The following SLC9B1 variants were observed in gnomAD, a reference collection of about 807,000 sequenced individuals.
SLC9B1 encodes sodium/hydrogen exchanger 9B1.
A neutral mutation model predicts 51.7 loss-of-function variants in SLC9B1; 32 were observed. The ratio of observed to expected loss-of-function variants is 0.62; its 90% confidence interval spans 0.47 to 0.83. SLC9B1 has a LOEUF of 0.83. SLC9B1 is among the 40% of genes least tolerant of loss of function. The pLI is 0.00. For missense variants in SLC9B1, 406 were observed against 613.2 expected (o/e 0.66, Z 3.57); for synonymous variants, 145 against 212.7 (o/e 0.68, Z 2.77).
At chr4:102,983,902 CTT>C (rs947067385) in intron 3 of SLC9B1, among the ~76,000 whole-genome samples, 1 of 151,886 alleles carries the variant, frequency 6.6e-6, no homozygotes, top group Admixed American at 6.6e-5. Flanking sequence ...AATTATATTA[CTT>C]TTTTTCTTCT....
chr4:102,887,749 A>C (rs955489429), intron 11 of SLC9B1: 3 of 188,594 alleles, frequency 1.6e-5, no homozygotes, highest in African/African-American at 4.7e-5. Flanking sequence ...TCTTGTATTT[A>C]AAATTCCCAC....
chr4:102,887,234 T>C, intron 11 of SLC9B1: 2 of 691,562 alleles, frequency 2.9e-6, no homozygotes, highest in South Asian at 3.2e-5. Context: ...AACGATCTGA[T>C]TTTTTTTAGC....
At chr4:102,885,553 AC>A in intron 11 of SLC9B1, 2 of 762,000 alleles carry the variant, frequency 2.6e-6, no homozygotes, top group Non-Finnish European at 4.4e-6. Context: ...GTATTGAAAG[AC>A]CATATTCCTA....
At chr4:102,931,236 A>AG (rs1736440260) in intron 7 of SLC9B1, among the ~76,000 whole-genome samples, 1 of 151,564 alleles carries the variant, frequency 6.6e-6, no homozygotes, top group African/African-American at 2.4e-5. Context: ...AAAAAAAAAA[A>AG]AAAGAACATA....
rs768230607 is a variant in SLC9B1, at chr4:102,901,144, C to A, written c.1521G>T (p.Leu507=). 6.5e-5 allele frequency: 104 copies of A among 1,610,994 alleles called. No individual in the cohort carries two copies. The highest frequency in any genetic ancestry group is 8.8e-5 in the Non-Finnish European group (104 of 1,179,772). The change falls in exon 12 of 12, where the codon CTG becomes CTT. Residue 507 remains leucine, a synonymous_variant. Transcript: ENST00000296422. ...TRHYDPSKIK[L]QLSTLEHH Reference sequence around the variant, plus strand: ...AATGATGTTCTAATGTTGACAACTGCAGTTTTATTTTGCTTGGATCATAAT... The same window carrying A: ...AATGATGTTCTAATGTTGACAACTGAAGTTTTATTTTGCTTGGATCATAAT...
At chr4:102,893,855 AC>A (rs1734401026) in intron 11 of SLC9B1, among the ~76,000 whole-genome samples, 2 of 152,190 alleles carry the variant, frequency 1.3e-5, no homozygotes, top group South Asian at 4.1e-4. Context: ...AGATCACGCC[AC>A]TGCACTCCAG....
chr4:102,984,895 C>T (rs551351331), intron 3 of SLC9B1, among the ~76,000 whole-genome samples: 1 of 152,166 alleles, frequency 6.6e-6, no homozygotes, highest in Non-Finnish European at 1.5e-5. Context: ...GCTATGTTCC[C>T]CAGGCTGGCC....
intron 7 of SLC9B1, among the ~76,000 whole-genome samples, chr4:102,921,110 C>A (rs1299043265): frequency 3.3e-5 from 5 of 152,126 alleles, no homozygotes; most frequent in Non-Finnish European, 7.4e-5. Context: ...ACATACTTAT[C>A]AGATTCACCA....
intron 3 of SLC9B1, chr4:102,962,835 G>A (rs1223641458): frequency 4.2e-6 from 2 of 473,420 alleles, no homozygotes; most frequent in Non-Finnish European, 8.8e-6. Flanking sequence ...TCCTGGAAGT[G>A]GATCAAACAA....
At chr4:102,897,883 G>A (rs1734612352), downstream of SLC9B1, 9 of 360,348 alleles carry the variant, frequency 2.5e-5, no homozygotes, top group South Asian at 2.0e-4. Flanking sequence ...AATATGCTAT[G>A]GAAGTTCACA....
At chr4:102,927,505 C>A (rs912079453) in intron 7 of SLC9B1, among the ~76,000 whole-genome samples, 6 of 152,132 alleles carry the variant, frequency 3.9e-5, no homozygotes, top group Non-Finnish European at 8.8e-5. Flanking sequence ...CAGAGAAATG[C>A]AAATCAAAAC....
At chr4:102,904,708 G>A (rs866519049) in intron 11 of SLC9B1, among the ~76,000 whole-genome samples, 4 of 151,872 alleles carry the variant, frequency 2.6e-5, no homozygotes, top group Admixed American at 2.6e-4. Flanking sequence ...AAGACCAGGC[G>A]CAGTGGCTCA....
intron 7 of SLC9B1, among the ~76,000 whole-genome samples, chr4:102,929,522 AT>A (rs1475568875): frequency 7.0e-5 from 10 of 142,946 alleles, no homozygotes; most frequent in Non-Finnish European, 9.5e-5. Context: ...AGGAAGAGGA[AT>A]TTTTTTTTTC....
Position 102,932,229 on chromosome 4 carries a change from C to T in SLC9B1, c.724G>A (p.Gly242Ser), listed in dbSNP as rs1277290439. Reference protein sequence around the residue: ...YMMVLQENGYGVEEGIPTLLM... With the variant: ...YMMVLQENGYSVEEGIPTLLM... ...AAGGTTGGAATGCCTTCCTCAACACCATATCCATTTTCTTGCAGCACCATC... is the reference window on the plus strand; with the variant it reads ...AAGGTTGGAATGCCTTCCTCAACACTATATCCATTTTCTTGCAGCACCATC... The change falls in exon 7 of 12, where the codon GGT (glycine) becomes AGT (serine). Residue 242 changes from glycine to serine, a missense_variant. This residue lies in a region of SLC9B1 where 250 missense variants were observed against 394.1 expected (regional missense o/e 0.63). Transcript: ENST00000296422. The T allele has an allele frequency of 6.2e-7, 1 of 1,611,882 alleles. No homozygotes were observed. Among genetic ancestry groups the T allele is most frequent in the Admixed American group, 1.7e-5 (1 of 60,006 alleles).
intron 3 of SLC9B1, among the ~76,000 whole-genome samples, chr4:102,959,320 T>A (rs1043696306): frequency 6.6e-6 from 1 of 152,126 alleles, no homozygotes; most frequent in Non-Finnish European, 1.5e-5. Flanking sequence ...ATATATGTAA[T>A]TTTTTTAACC....
chr4:102,919,124 T>C (rs1651335905), intron 7 of SLC9B1, among the ~76,000 whole-genome samples: 1 of 152,178 alleles, frequency 6.6e-6, no homozygotes, highest in Admixed American at 6.5e-5. Context: ...GGAGGGGCTG[T>C]TGTGAAGAAC....
At chr4:102,918,832 A>C (rs1412285579) in intron 7 of SLC9B1, among the ~76,000 whole-genome samples, 2 of 152,226 alleles carry the variant, frequency 1.3e-5, no homozygotes, top group Non-Finnish European at 1.5e-5. Flanking sequence ...TTACCAGCCT[A>C]AGGTATTTTG....
At chr4:102,906,487 T>G (rs1735061363) in intron 10 of SLC9B1, 49 bp downstream of exon 10, 1 of 910,174 alleles carries the variant, frequency 1.1e-6, no homozygotes. Flanking sequence ...TTTATAATTT[T>G]CTTAAATATT....
At chr4:102,941,860 G>A (rs989439716) in intron 6 of SLC9B1, among the ~76,000 whole-genome samples, 3 of 151,922 alleles carry the variant, frequency 2.0e-5, no homozygotes, top group African/African-American at 7.3e-5. Context: ...TAAAGAGGAA[G>A]TCAAACTGTT....
Sources: gnomAD v4.1 joint callset for allele counts (sites outside exome capture counted in the v4.1 genomes callset) on GRCh38, gnomAD v4.1.1 for gene constraint, gnomAD v4.1.1 regional missense constraint, MANE v1.5 for transcripts, NCBI Gene and HGNC (gene_info 2026-07-23, HGNC 2026-07-21) for gene names.